ZNF385D: variants seen among roughly 807,000 people sequenced by gnomAD.
ZNF385D encodes the protein zinc finger protein 659.
ZNF385D carries 15 observed loss-of-function variants against 35.8 expected under a neutral mutation model. That is an observed-to-expected ratio of 0.42 (90% CI 0.28 to 0.64). The LOEUF is 0.64. Ranked by LOEUF, ZNF385D falls within the 30% of genes least tolerant of loss-of-function variation. ZNF385D has a pLI of 0.23. For missense variants in ZNF385D, 474 were observed against 494.6 expected (o/e 0.96, Z 0.39); for synonymous variants, 212 against 186.8 (o/e 1.13, Z -1.10).
intron 3 of ZNF385D, among the ~76,000 whole-genome samples, chr3:21,959,872 G>A (rs1702489007): frequency 6.6e-6 from 1 of 152,060 alleles, no homozygotes; most frequent in Non-Finnish European, 1.5e-5. Flanking sequence ...CTAGAAGAGT[G>A]TCTGGCAACA....
intron 2 of ZNF385D, among the ~76,000 whole-genome samples, chr3:21,613,729 G>A (rs1202073608): frequency 5.3e-5 from 8 of 152,162 alleles, no homozygotes; most frequent in African/African-American, 1.9e-4. Flanking sequence ...GTTGAAAGTT[G>A]GAGCTAAGCA....
chr3:21,661,397 A>C (rs150325489), intron 2 of ZNF385D, among the ~76,000 whole-genome samples: 84 of 152,292 alleles, frequency 5.5e-4, no homozygotes, highest in African/African-American at 2.0e-3. Context: ...AGAGGTCATA[A>C]CATAATCTGT....
Position 21,794,279 on chromosome 3 carries a change from T to C in ZNF385D, c.326-129251A>G, listed in dbSNP as rs534475693. On this transcript the variant is annotated intron_variant, in intron 3 of 5. Transcript: ENST00000494108. Reference sequence around the variant, plus strand: ...GAAGTTTTAAACCTAAGAGCTTAAATAGAGAGCTTAGACCATTGGGAGCTT... The same window carrying C: ...GAAGTTTTAAACCTAAGAGCTTAAACAGAGAGCTTAGACCATTGGGAGCTT... 2.3e-3 allele frequency among the ~76,000 whole-genome samples: 345 copies of C among 151,934 alleles called. 2 individuals carry two copies. The highest frequency in any genetic ancestry group is 3.2e-3 in the Non-Finnish European group (220 of 68,012).
rs114114908 is a variant in ZNF385D, at chr3:21,514,604, G to T, written c.277-3581C>A. Among the ~76,000 whole-genome samples, 382 of 152,006 alleles carry T rather than the reference G, an allele frequency of 2.5e-3. 3 individuals carry two copies. The highest frequency in any genetic ancestry group is 8.8e-3 in the African/African-American group (365 of 41,474). ...CTTAAGTCAACCACAGGCAGCCAACGGTTCAAACCAAATTCAAATAGGACA... is the reference window on the plus strand; with the variant it reads ...CTTAAGTCAACCACAGGCAGCCAACTGTTCAAACCAAATTCAAATAGGACA... On this transcript the variant is annotated intron_variant, in intron 3 of 7. Coordinates refer to ENST00000281523, the MANE Select transcript of ZNF385D (RefSeq NM_024697.3).
In ZNF385D at chr3:21,437,341, A is replaced by G. The variant is rs548068019; in HGVS notation, c.440-138T>C. 20 of 710,146 alleles carry G rather than the reference A, an allele frequency of 2.8e-5. No individual in the cohort carries two copies. The African/African-American group carries it at 3.4e-4, about 12-fold the overall frequency. The allele number at this position is 710,146 out of a possible 1,614,324, so 44.0% of individuals were successfully genotyped here. A position where few individuals can be genotyped will look rare whatever the true frequency, so the allele number is the denominator to read the frequency against. Reference sequence around the variant, plus strand: ...AATTGCTGTTTGTCAAGGATGCATCAATCACCTCACAAAAAAATTCACATA... The same window carrying G: ...AATTGCTGTTTGTCAAGGATGCATCGATCACCTCACAAAAAAATTCACATA... On this transcript the variant is annotated intron_variant, in intron 4 of 7. Transcript: ENST00000281523.
intron 2 of ZNF385D, among the ~76,000 whole-genome samples, chr3:21,656,187 T>G (rs2066066754): frequency 6.6e-6 from 1 of 151,986 alleles, no homozygotes; most frequent in Non-Finnish European, 1.5e-5. Context: ...GGATTACCAG[T>G]TGTCAGGAAC....
intron 3 of ZNF385D, among the ~76,000 whole-genome samples, chr3:21,830,475 G>A (rs1694919897): frequency 6.6e-6 from 1 of 152,168 alleles, no homozygotes. Flanking sequence ...GCCATATTAG[G>A]TGCGCTGGGA....
intron 3 of ZNF385D, among the ~76,000 whole-genome samples, chr3:21,947,724 ATCTT>A (rs1247053042): frequency 6.6e-6 from 1 of 152,112 alleles, no homozygotes; most frequent in Non-Finnish European, 1.5e-5. Flanking sequence ...TAATCCATCT[ATCTT>A]TTTTCTATCA....
chr3:22,113,909 G>C (rs1702672000), intron 3 of ZNF385D, among the ~76,000 whole-genome samples: 1 of 151,976 alleles, frequency 6.6e-6, no homozygotes, highest in African/African-American at 2.4e-5. Context: ...AGATAGAAAG[G>C]TCTAAATAAA....
intron 2 of ZNF385D, among the ~76,000 whole-genome samples, chr3:21,599,745 A>G (rs1240982789): frequency 1.3e-5 from 2 of 152,236 alleles, no homozygotes; most frequent in Admixed American, 6.5e-5. Context: ...TTTGATAAAT[A>G]TATGTGACCC....
chr3:21,980,763 G>C (rs189921599), intron 3 of ZNF385D, among the ~76,000 whole-genome samples: 154 of 152,100 alleles, frequency 1.0e-3, no homozygotes, highest in African/African-American at 3.5e-3. Flanking sequence ...TTCCTTCTTT[G>C]TGTTCATAAG....
intron 7 of ZNF385D, among the ~76,000 whole-genome samples, 198 bp downstream of exon 7, chr3:21,423,765 G>T (rs2125249457): frequency 6.6e-6 from 1 of 152,194 alleles, no homozygotes. Context: ...ATCAAGACCA[G>T]ATTTCATGGG....
chr3:21,691,108 G>A (rs78198842), intron 1 of ZNF385D, among the ~76,000 whole-genome samples: 8 of 151,962 alleles, frequency 5.3e-5, no homozygotes, highest in Non-Finnish European at 8.8e-5. Context: ...CAATTAAATT[G>A]TATTGTCAGG....
intron 3 of ZNF385D, among the ~76,000 whole-genome samples, chr3:21,554,732 C>A (rs1309756936): frequency 6.6e-6 from 1 of 152,132 alleles, no homozygotes; most frequent in African/African-American, 2.4e-5. Flanking sequence ...GGATTACTTG[C>A]TGCAGCTCCT....
In ZNF385D at chr3:22,098,120, C is replaced by A. The variant is rs138558111; in HGVS notation, c.325+70697G>T. The stretch of plus-strand genomic sequence containing the variant: ...GGAAAAGACTGTCCACAAAACATGA[C>A]TGAAATAGAATTTTCTCCTAGCTTT... On this transcript the variant is annotated intron_variant, in intron 3 of 5. Transcript: ENST00000494108. Among the ~76,000 whole-genome samples, 106 of 152,120 alleles carry A rather than the reference C, an allele frequency of 7.0e-4. 1 individual carries two copies. The highest frequency in any genetic ancestry group is 4.3e-3 in the Admixed American group (66 of 15,246).
chr3:21,423,361 TCTTAA>T (rs1358085099), intron 7 of ZNF385D, among the ~76,000 whole-genome samples: 1 of 152,208 alleles, frequency 6.6e-6, no homozygotes, highest in Non-Finnish European at 1.5e-5. Context: ...GAACAGTTGT[TCTTAA>T]CTTTTCATTG....
chr3:22,009,442 T>G (rs558444623), intron 3 of ZNF385D, among the ~76,000 whole-genome samples: 53 of 151,994 alleles, frequency 3.5e-4, no homozygotes, highest in Non-Finnish European at 7.4e-4. Context: ...GCTAACACGG[T>G]GAAACCCCGT....
At chr3:22,235,389 G>C (rs1042950873) in intron 2 of ZNF385D, among the ~76,000 whole-genome samples, 8 of 152,068 alleles carry the variant, frequency 5.3e-5, no homozygotes, top group African/African-American at 1.9e-4. Flanking sequence ...ATTGCAGGGA[G>C]AAAAAGGGAA....
At chr3:22,048,528 C>T (rs1699147355) in intron 3 of ZNF385D, among the ~76,000 whole-genome samples, 1 of 152,146 alleles carries the variant, frequency 6.6e-6, no homozygotes, top group African/African-American at 2.4e-5. Context: ...GTGTTCTGGA[C>T]ATCTTTGTTG....
Sources: allele counts gnomAD v4.1 joint callset (sites outside exome capture counted in the v4.1 genomes callset), GRCh38; gene constraint gnomAD v4.1.1; transcripts MANE v1.5; gene names NCBI Gene and HGNC (gene_info 2026-07-23, HGNC 2026-07-21).